The following TEAD4 variants were observed in gnomAD, a reference collection of about 807,000 sequenced individuals.
TEAD4 encodes transcriptional enhancer factor TEF-3.
A neutral mutation model predicts 52.4 loss-of-function variants in TEAD4; 36 were observed. The ratio of observed to expected loss-of-function variants is 0.69; its 90% CI spans 0.53 to 0.91. The LOEUF (loss-of-function observed/expected upper bound fraction) is 0.91, where lower values mean the gene tolerates loss of function less well. Ranked by LOEUF, TEAD4 falls within the 40% of genes least tolerant of loss-of-function variation. The probability of loss-of-function intolerance (pLI) is 0.00; values close to 1 mark genes in which losing one functional copy is unlikely to be tolerated. For synonymous variants in TEAD4, 220 were observed against 231.0 expected, an observed-to-expected ratio of 0.95 and a Z score of 0.43; for missense variants, 508 against 583.9, an observed-to-expected ratio of 0.87 and a Z score of 1.34.
intron 3 of TEAD4, among the ~76,000 whole-genome samples, chr12:2,995,921 T>A (rs1448487090): frequency 6.6e-6 from 1 of 151,166 alleles, no homozygotes; most frequent in Non-Finnish European, 1.5e-5. Context: ...GGCAGAAAGA[T>A]CTCTTGAGGC....
chr12:2,963,850 C>T (rs1302109140), intron 2 of TEAD4, among the ~76,000 whole-genome samples: 1 of 152,158 alleles, frequency 6.6e-6, no homozygotes. Context: ...GGGCCAGGCT[C>T]CCTGTAGCGG....
chr12:3,004,469 G>T (rs1408780188), intron 3 of TEAD4, among the ~76,000 whole-genome samples: 1 of 152,144 alleles, frequency 6.6e-6, no homozygotes, highest in Non-Finnish European at 1.5e-5. Flanking sequence ...TCTGAGAGAA[G>T]TGACCTCCAA....
intron 5 of TEAD4, chr12:3,017,016 G>A (rs2098265061): frequency 2.2e-6 from 1 of 452,586 alleles, no homozygotes; most frequent in African/African-American, 2.0e-5. Flanking sequence ...TGCTTCCTGT[G>A]CACTCGAGGA....
intron 7 of TEAD4, 127 bp from the exon 8 acceptor site, chr12:3,018,988 C>A: frequency 8.3e-7 from 1 of 1,199,962 alleles, no homozygotes; most frequent in Non-Finnish European, 1.2e-6. Flanking sequence ...AGTAGGAGGC[C>A]AAGGCCCATC....
At chr12:3,031,108 A>G (rs1325343623) in intron 10 of TEAD4, among the ~76,000 whole-genome samples, 1 of 152,172 alleles carries the variant, frequency 6.6e-6, no homozygotes. Context: ...ATCATCTCCC[A>G]GTCTCCCGTC....
intron 10 of TEAD4, among the ~76,000 whole-genome samples, chr12:3,033,960 G>T (rs1372749797): frequency 6.6e-6 from 1 of 151,426 alleles, no homozygotes; most frequent in Non-Finnish European, 1.5e-5. Context: ...CTCTGGGGCG[G>T]TTCGTCCGTG....
intron 8 of TEAD4, 110 bp downstream of exon 8, chr12:3,019,280 G>A (rs1334231942): frequency 3.7e-5 from 46 of 1,239,168 alleles, no homozygotes; most frequent in Middle Eastern, 2.4e-4. Context: ...ATGCTGCCCC[G>A]TCATGCACAC....
chr12:3,015,562 C>T (rs375908848), intron 5 of TEAD4, among the ~76,000 whole-genome samples: 25 of 152,382 alleles, frequency 1.6e-4, no homozygotes, highest in East Asian at 1.9e-4. Flanking sequence ...CTCCAGGCCG[C>T]GGTGCTGCCC....
chr12:3,033,910 G>A (rs1266629212), intron 10 of TEAD4, among the ~76,000 whole-genome samples: 3 of 146,802 alleles, frequency 2.0e-5, no homozygotes, highest in African/African-American at 5.5e-5. Flanking sequence ...GGGTGAGGCT[G>A]TAATTAGAAG....
At chr12:3,039,490 G>A (rs1251508532) in intron 11 of TEAD4, among the ~76,000 whole-genome samples, 1 of 152,036 alleles carries the variant, frequency 6.6e-6, no homozygotes, top group Non-Finnish European at 1.5e-5. Context: ...GTGTAGACAG[G>A]GAAATTTGCA....
intron 8 of TEAD4, among the ~76,000 whole-genome samples, chr12:3,020,367 A>T (rs985557910): frequency 8.2e-6 from 1 of 122,046 alleles, no homozygotes; most frequent in South Asian, 3.2e-4. Context: ...TGCCCTCCAG[A>T]ATCCAGTCTT....
intron 5 of TEAD4, among the ~76,000 whole-genome samples, chr12:3,012,710 C>T (rs1591585244): frequency 6.6e-6 from 1 of 152,298 alleles, no homozygotes; most frequent in South Asian, 2.1e-4. Flanking sequence ...TCAGCCCCGT[C>T]TTGCAGGGCC....
rs2098245403 is a variant in TEAD4, at chr12:2,994,267, G to T, written c.-29-471G>T. Among the ~76,000 whole-genome samples the T allele has an allele frequency of 6.6e-6, 1 of 152,076 alleles. No homozygotes were observed. Among genetic ancestry groups the T allele is most frequent in the Non-Finnish European group, 1.5e-5 (1 of 68,004 alleles). Reference sequence around the variant, plus strand: ...ATTTTTGTATTTTTAGTAGAAACGGGGTTTCACCATGTTGGCCAGGCTGGT... The same window carrying T: ...ATTTTTGTATTTTTAGTAGAAACGGTGTTTCACCATGTTGGCCAGGCTGGT... On this transcript the variant is annotated intron_variant, in intron 2 of 12. Transcript: ENST00000359864. This position sits in a 1 kb window ranked among gnomAD's most constrained non-coding sequence, Gnocchi z 4.7.
intron 2 of TEAD4, among the ~76,000 whole-genome samples, chr12:2,974,512 T>A (rs944868845): frequency 2.0e-5 from 3 of 152,160 alleles, no homozygotes; most frequent in African/African-American, 7.2e-5. Flanking sequence ...CGAGTCTTCA[T>A]TCTTCCCCCT....
intron 9 of TEAD4, 29 bp from the exon 10 acceptor site, chr12:3,021,815 C>T (rs756609876): frequency 1.9e-6 from 3 of 1,606,514 alleles, no homozygotes; most frequent in Admixed American, 1.7e-5. Flanking sequence ...GCCTGTGCTC[C>T]GTCTCCCTCA....
Position 3,040,393 on chromosome 12 carries a change from C to A in TEAD4, c.1220C>A (p.Thr407Asn), listed in dbSNP as rs1174306516. The stretch of plus-strand genomic sequence containing the variant: ...GTCACCAACAGAGACACACAGGAGA[C>A]CTTGCTGTGCATTGCCTATGTCTTT... Residue 407 changes from threonine (T) to asparagine (N), a missense_variant, in exon 13 of 13, where the codon ACC becomes AAC. Thr to Asn is a moderately conservative substitution (Grantham distance 65). Transcript: ENST00000359864. 6.2e-7 allele frequency: 1 copy of A among 1,614,184 alleles called. No homozygotes were observed. Among genetic ancestry groups the A allele is most frequent in the Non-Finnish European group, 8.5e-7 (1 of 1,180,040 alleles).
chr12:2,975,639 C>T (rs970221509), intron 2 of TEAD4, among the ~76,000 whole-genome samples: 3 of 152,090 alleles, frequency 2.0e-5, no homozygotes, highest in African/African-American at 4.8e-5. Flanking sequence ...CTGCCCACCT[C>T]GGCCTCCCAA....
chr12:2,997,083 A>T (rs765332518), intron 3 of TEAD4, among the ~76,000 whole-genome samples: 1 of 152,182 alleles, frequency 6.6e-6, no homozygotes, highest in African/African-American at 2.4e-5. Flanking sequence ...GCTCTGCTCC[A>T]TGAAGCTCTC....
intron 10 of TEAD4, among the ~76,000 whole-genome samples, chr12:3,034,706 G>T (rs189966972): frequency 6.6e-6 from 1 of 152,340 alleles, no homozygotes; most frequent in East Asian, 1.9e-4. Context: ...GCTGAGGCAG[G>T]AGGATCACTT....
Sources: allele counts gnomAD v4.1 joint callset (sites outside exome capture counted in the v4.1 genomes callset), GRCh38; gene constraint gnomAD v4.1.1; non-coding constraint Gnocchi (gnomAD v3.1); transcripts MANE v1.5; gene names NCBI Gene and HGNC (gene_info 2026-07-23, HGNC 2026-07-21).